Variants in FYN observed in about 807,000 individuals in gnomAD.
FYN encodes the protein FYN proto-oncogene, Src family tyrosine kinase.
In FYN, 10 loss-of-function variants were observed where a neutral mutation model predicts 70.2. The observed-to-expected ratio is 0.14, with a 90% CI of 0.09 to 0.24. The LOEUF (loss-of-function observed/expected upper bound fraction) is 0.24, where lower values mean the gene tolerates loss of function less well. Among genes scored for constraint, FYN ranks in the 10% least tolerant of loss-of-function variants. The pLI is 1.00. For synonymous variants in FYN, 236 were observed against 248.6 expected (o/e 0.95, Z 0.48); for missense variants, 319 against 673.1 (o/e 0.47, Z 5.82).
chr6:111,695,459 C>T (rs975741952), intron 10 of FYN, among the ~76,000 whole-genome samples: 1 of 152,156 alleles, frequency 6.6e-6, no homozygotes, highest in Non-Finnish European at 1.5e-5. Context: ...AACACCAAAG[C>T]AGGGATAATC....
chr6:111,692,095 T>G (rs1799346238), intron 12 of FYN, among the ~76,000 whole-genome samples: 1 of 148,954 alleles, frequency 6.7e-6, no homozygotes, highest in Non-Finnish European at 1.5e-5. Flanking sequence ...CTTGCCAAGC[T>G]TCATTTCCCC....
intron 2 of FYN, among the ~76,000 whole-genome samples, chr6:111,831,565 C>T (rs9398288): frequency 0.18 from 28,024 of 152,046 alleles, 3,715 homozygotes; most frequent in African/African-American, 0.38. Context: ...TTCTAACAGT[C>T]GTGACCCTCC....
At chr6:111,771,868 T>A (rs1803466209) in intron 3 of FYN, among the ~76,000 whole-genome samples, 1 of 152,134 alleles carries the variant, frequency 6.6e-6, no homozygotes, top group Non-Finnish European at 1.5e-5. Flanking sequence ...TGGCTGACTT[T>A]CCTTGTTTAG....
intron 2 of FYN, among the ~76,000 whole-genome samples, chr6:111,830,161 C>A (rs1194237905): frequency 6.6e-6 from 1 of 152,182 alleles, no homozygotes; most frequent in South Asian, 2.1e-4. Flanking sequence ...GGGGACCCAT[C>A]TTCCTGCAGA....
intron 1 of FYN, among the ~76,000 whole-genome samples, chr6:111,856,788 AT>A (rs1773833949): frequency 6.6e-6 from 1 of 152,092 alleles, no homozygotes; most frequent in African/African-American, 2.4e-5. Context: ...TTTTGAGAAA[AT>A]TTGCTAAGAG....
chr6:111,731,246 CTCTT>C (rs1336556497), intron 3 of FYN, among the ~76,000 whole-genome samples: 2 of 152,230 alleles, frequency 1.3e-5, no homozygotes, highest in Middle Eastern at 3.2e-3. Context: ...CATTCTTTTT[CTCTT>C]TCTTTAATTC....
At chr6:111,741,193 T>G (rs1241635392) in intron 3 of FYN, 1 of 152,232 alleles carries the variant, frequency 6.6e-6, no homozygotes, top group Non-Finnish European at 1.5e-5. Context: ...TTTTATTTGC[T>G]TCATGGCATT....
intron 7 of FYN, 81 bp downstream of exon 7, chr6:111,703,918 C>CTA (rs1799952362): frequency 9.3e-7 from 1 of 1,078,158 alleles, no homozygotes; most frequent in South Asian, 1.3e-5. Context: ...AATCCTTGTA[C>CTA]ATTAGAGATA....
At chr6:111,839,929 T>A (rs115385645) in intron 2 of FYN, among the ~76,000 whole-genome samples, 2 of 152,172 alleles carry the variant, frequency 1.3e-5, no homozygotes, top group African/African-American at 4.8e-5. Context: ...CCCCAAAGAC[T>A]GAGAGGGTAT....
intron 2 of FYN, among the ~76,000 whole-genome samples, chr6:111,805,120 C>T (rs1446074294): frequency 6.6e-6 from 1 of 151,984 alleles, no homozygotes; most frequent in East Asian, 1.9e-4. Context: ...TGCCAGACAA[C>T]TGTTTAGTCC....
At chr6:111,695,947 A>G (rs1460487268) in intron 10 of FYN, among the ~76,000 whole-genome samples, 1 of 152,244 alleles carries the variant, frequency 6.6e-6, no homozygotes, top group Non-Finnish European at 1.5e-5. Flanking sequence ...AAAAGCTACT[A>G]CATTCAAAAT....
Position 111,696,316 on chromosome 6 carries a change from C to G in FYN, c.1003G>C (p.Glu335Gln). Residue 335 changes from glutamate to glutamine, a missense_variant, in exon 10 of 14, where the codon GAG becomes CAG. This residue lies in a region of FYN where 112 missense variants were observed against 250.2 expected (regional missense o/e 0.45). Coordinates refer to ENST00000354650, the MANE Select transcript of FYN (RefSeq NM_002037.5). ...KLVQLYAVVS[E>Q]EPIYIVTEYM... is the part of the protein sequence containing the mutation. Reference sequence around the variant, plus strand: ...TCGGTGACGATGTAGATGGGCTCCTCAGACACCACTGCATAGAGCTGGACC... The same window carrying G: ...TCGGTGACGATGTAGATGGGCTCCTGAGACACCACTGCATAGAGCTGGACC... 6.2e-7 allele frequency: 1 copy of G among 1,612,756 alleles called. No individual in the cohort carries two copies.
At chr6:111,733,897 G>A (rs1801580649) in intron 3 of FYN, among the ~76,000 whole-genome samples, 1 of 152,170 alleles carries the variant, frequency 6.6e-6, no homozygotes, top group South Asian at 2.1e-4. Context: ...AGACCAGCCT[G>A]GGCAACATGG....
intron 3 of FYN, among the ~76,000 whole-genome samples, chr6:111,734,393 G>A (rs1163735882): frequency 6.6e-6 from 1 of 152,226 alleles, no homozygotes; most frequent in Non-Finnish European, 1.5e-5. Flanking sequence ...GCTAGGCATT[G>A]CTGTGTCCTA....
chr6:111,704,185 A>T, intron 6 of FYN, 83 bp from the exon 7 acceptor site: 1 of 1,060,530 alleles, frequency 9.4e-7, no homozygotes. Context: ...TTTGCCCATG[A>T]ATTCCCCTCT....
rs1340516825 is a variant in FYN at position 111,873,141 on chromosome 6, T to TGGCGCGGGCGGCGGCCGCCGGGCGGTGC, written c.-324_-297dup. On this transcript the variant is annotated 5_prime_UTR_variant, in exon 1 of 14. Coordinates refer to ENST00000354650, the MANE Select transcript of FYN (RefSeq NM_002037.5). The stretch of plus-strand genomic sequence containing the variant: ...CCGGCCCGGCGGCCGAATCCCTCCC[T>TGGCGCGGGCGGCGGCCGCCGGGCGGTGC]GGCGCGGGCGGCGGCCGCCGGGCGG... 83 of 142,908 alleles carry TGGCGCGGGCGGCGGCCGCCGGGCGGTGC rather than the reference T, an allele frequency of 5.8e-4. No individual in the cohort carries two copies. The highest frequency in any genetic ancestry group is 1.4e-3 in the African/African-American group (55 of 39,182). The allele number at this position is 142,908 out of a possible 1,614,324, so 8.9% of individuals were successfully genotyped here. A position where few individuals can be genotyped will look rare whatever the true frequency, so the allele number is the denominator to read the frequency against.
rs550146636 is a variant in FYN, at chr6:111,871,232, G to C, written c.-123+1736C>G. Among the ~76,000 whole-genome samples the C allele has an allele frequency of 2.6e-5, 4 of 152,296 alleles. No individual in the cohort carries two copies. In the South Asian group the frequency reaches 8.3e-4, roughly 32 times the overall value. Reference sequence around the variant, plus strand: ...TCTTCCTTAAAGGGAACATCAAATGGTTTAGACTTCAGTCAAGATTCTCTA... The same window carrying C: ...TCTTCCTTAAAGGGAACATCAAATGCTTTAGACTTCAGTCAAGATTCTCTA... On this transcript the variant is annotated intron_variant, in intron 1 of 13. Transcript: ENST00000354650.
At chr6:111,675,703 G>C (rs1798500723) in intron 12 of FYN, among the ~76,000 whole-genome samples, 2 of 151,942 alleles carry the variant, frequency 1.3e-5, no homozygotes. Flanking sequence ...TGAGGCGGGA[G>C]AATCACTTGA....
intron 6 of FYN, among the ~76,000 whole-genome samples, chr6:111,707,344 G>C (rs1800138887): frequency 6.6e-6 from 1 of 152,194 alleles, no homozygotes; most frequent in Non-Finnish European, 1.5e-5. Flanking sequence ...CAGTTGAATA[G>C]TTGGGCCAAA....
Sources: gnomAD v4.1 joint callset for allele counts (sites outside exome capture counted in the v4.1 genomes callset) on GRCh38, gnomAD v4.1.1 for gene constraint, gnomAD v4.1.1 regional missense constraint, MANE v1.5 for transcripts, NCBI Gene and HGNC (gene_info 2026-07-23, HGNC 2026-07-21) for gene names.